TFEC: variants seen among roughly 807,000 people sequenced by gnomAD.
The protein encoded by TFEC is transcription factor EC, also known as class E basic helix-loop-helix protein 34.
Under a neutral mutation model 41.6 loss-of-function variants are expected in TFEC, and 31 were observed. The ratio of observed to expected loss-of-function variants is 0.74; its 90% CI spans 0.56 to 1.01. TFEC has a LOEUF of 1.01. Among genes scored for constraint, TFEC ranks in the 50% least tolerant of loss-of-function variants. The pLI, the probability that TFEC is intolerant of heterozygous loss-of-function variation, is 0.00. For synonymous variants in TFEC, 143 were observed against 140.6 expected (o/e 1.02, Z -0.12); for missense variants, 402 against 404.1 (o/e 0.99, Z 0.04).
intron 2 of TFEC, among the ~76,000 whole-genome samples, chr7:115,980,817 C>A (rs1347229639): frequency 1.3e-5 from 2 of 151,356 alleles, no homozygotes; most frequent in Non-Finnish European, 3.0e-5. Flanking sequence ...TAATAGTAAA[C>A]CATAGTGCTG....
intron 3 of TFEC, among the ~76,000 whole-genome samples, chr7:116,075,558 C>T (rs1410349116): frequency 2.0e-5 from 3 of 152,148 alleles, no homozygotes; most frequent in African/African-American, 7.2e-5. Flanking sequence ...GGGAGTGAGA[C>T]CAGCCTTTAA....
chr7:116,040,858 T>C (rs1378050558), intron 3 of TFEC, among the ~76,000 whole-genome samples: 3 of 152,194 alleles, frequency 2.0e-5, no homozygotes, highest in African/African-American at 4.8e-5. Flanking sequence ...TTACGTCAAA[T>C]GGTAAAGAAT....
intron 3 of TFEC, among the ~76,000 whole-genome samples, chr7:116,048,371 A>C (rs1276493882): frequency 6.6e-6 from 1 of 152,244 alleles, no homozygotes; most frequent in Non-Finnish European, 1.5e-5. Flanking sequence ...AATTGGAAGA[A>C]AGGTTATCAG....
At chr7:116,065,415 C>T (rs1189620206) in intron 3 of TFEC, among the ~76,000 whole-genome samples, 1 of 151,990 alleles carries the variant, frequency 6.6e-6, no homozygotes, top group East Asian at 1.9e-4. Context: ...AATGTAGACA[C>T]ATTATATTAA....
At chr7:116,159,380 T>C (rs1798930457) in intron 1 of TFEC, among the ~76,000 whole-genome samples, 1 of 151,976 alleles carries the variant, frequency 6.6e-6, no homozygotes. Context: ...ACATTATATA[T>C]AATAATTATA....
At chr7:116,152,396 T>A (rs776397939) in intron 1 of TFEC, among the ~76,000 whole-genome samples, 2 of 152,112 alleles carry the variant, frequency 1.3e-5, no homozygotes, top group Non-Finnish European at 2.9e-5. Flanking sequence ...GCAGTTAGAA[T>A]TTGCAGGGCA....
chr7:115,984,447 A>G lies in TFEC; in HGVS notation c.-6T>C, dbSNP rs1793765547. ...ATCTGATGATCAAGGGTCATGAAAG[A>G]GTTTACTTTCTGTCTCTGGGCTTTC... is the stretch of plus-strand genomic sequence containing the variant. On this transcript the variant is annotated 5_prime_UTR_variant, in exon 2 of 8. Coordinates refer to ENST00000265440, the MANE Select transcript of TFEC (RefSeq NM_012252.4). 8 of 1,614,122 alleles carry G rather than the reference A, an allele frequency of 5.0e-6. No individual in the cohort carries two copies. The highest frequency in any genetic ancestry group is 5.9e-6 in the Non-Finnish European group (7 of 1,179,982).
intron 3 of TFEC, among the ~76,000 whole-genome samples, chr7:116,065,233 A>G (rs1452418420): frequency 6.6e-6 from 1 of 152,170 alleles, no homozygotes; most frequent in East Asian, 1.9e-4. Flanking sequence ...TGCCCCAGCC[A>G]TGCTACCAAG....
intron 6 of TFEC, among the ~76,000 whole-genome samples, chr7:115,947,369 G>T (rs1487546119): frequency 6.6e-6 from 1 of 151,074 alleles, no homozygotes; most frequent in Admixed American, 6.6e-5. Context: ...GAATAATGCT[G>T]CAATAAACAT....
intron 1 of TFEC, among the ~76,000 whole-genome samples, chr7:115,987,475 T>C (rs1449529078): frequency 3.9e-5 from 6 of 152,196 alleles, no homozygotes; most frequent in Non-Finnish European, 7.3e-5. Context: ...AATGAAATTA[T>C]AGGTTGCCAT....
intron 1 of TFEC, among the ~76,000 whole-genome samples, chr7:116,144,860 A>T (rs1798611484): frequency 6.6e-6 from 1 of 152,184 alleles, no homozygotes; most frequent in Non-Finnish European, 1.5e-5. Context: ...TCAAGACTGC[A>T]ACATCAGTTC....
At chr7:116,120,390 G>A (rs1798085644) in intron 1 of TFEC, 1 of 151,910 alleles carries the variant, frequency 6.6e-6, no homozygotes, top group South Asian at 2.1e-4. Context: ...CACTAGTTCA[G>A]TCAGGCTTTT....
chr7:115,980,044 T>A (rs1229620261), intron 2 of TFEC, among the ~76,000 whole-genome samples: 1 of 152,180 alleles, frequency 6.6e-6, no homozygotes, highest in Non-Finnish European at 1.5e-5. Flanking sequence ...AGCAGATCCA[T>A]TGAGAGTTGT....
chr7:116,052,845 G>A (rs981023042), intron 3 of TFEC, among the ~76,000 whole-genome samples: 5 of 151,668 alleles, frequency 3.3e-5, no homozygotes, highest in African/African-American at 7.2e-5. Context: ...CGAGGTGGGC[G>A]GATCACGAGG....
intron 1 of TFEC, among the ~76,000 whole-genome samples, chr7:116,022,898 A>G (rs1795452275): frequency 1.3e-5 from 2 of 152,200 alleles, no homozygotes; most frequent in South Asian, 4.1e-4. Flanking sequence ...CCCGTGAGGT[A>G]GATCAGGTTT....
At chr7:116,146,359 A>T (rs1212000432) in intron 1 of TFEC, among the ~76,000 whole-genome samples, 4 of 152,164 alleles carry the variant, frequency 2.6e-5, no homozygotes, top group Non-Finnish European at 5.9e-5. Flanking sequence ...AAAAAAGAGC[A>T]TTATTGTCAG....
intron 3 of TFEC, among the ~76,000 whole-genome samples, chr7:116,041,358 C>G (rs1378112326): frequency 5.9e-5 from 9 of 151,808 alleles, no homozygotes; most frequent in Admixed American, 5.9e-4. Flanking sequence ...AATATAAGCA[C>G]AATTCTATTG....
At chr7:116,158,900 A>G (rs1242068377) in intron 1 of TFEC, among the ~76,000 whole-genome samples, 2 of 152,064 alleles carry the variant, frequency 1.3e-5, no homozygotes, top group East Asian at 3.9e-4. Context: ...ACAAAAATGT[A>G]CAAAGATTTC....
At chr7:116,020,161 G>A (rs1795340287) in intron 1 of TFEC, among the ~76,000 whole-genome samples, 1 of 152,094 alleles carries the variant, frequency 6.6e-6, no homozygotes, top group African/African-American at 2.4e-5. Flanking sequence ...GAAGCAAAAC[G>A]ATAATTCAAA....
Sources: allele counts gnomAD v4.1 joint callset (sites outside exome capture counted in the v4.1 genomes callset), GRCh38; gene constraint gnomAD v4.1.1; transcripts MANE v1.5; gene names NCBI Gene and HGNC (gene_info 2026-07-23, HGNC 2026-07-21).